The following SERGEF variants were observed in gnomAD, a reference collection of about 807,000 sequenced individuals.
SERGEF encodes secretion-regulating guanine nucleotide exchange factor.
In SERGEF, 51 loss-of-function variants were observed where a neutral mutation model predicts 50.0. The observed-to-expected ratio is 1.02, with a 90% CI of 0.81 to 1.29. The LOEUF is 1.29. Ranked by LOEUF, SERGEF falls within the 50% of genes most tolerant of loss-of-function variation. SERGEF has a pLI of 0.00. For missense variants in SERGEF, 521 were observed against 557.0 expected, an observed-to-expected ratio of 0.94 and a Z score of 0.65; for synonymous variants, 205 against 212.4, an observed-to-expected ratio of 0.97 and a Z score of 0.30.
At chr11:17,805,405 G>A (rs917784312) in intron 10 of SERGEF, among the ~76,000 whole-genome samples, 3 of 152,246 alleles carry the variant, frequency 2.0e-5, no homozygotes, top group African/African-American at 4.8e-5. Context: ...CTATCTGGCT[G>A]TGCTGGGCGT....
At chr11:17,862,716 G>A (rs1565188602) in intron 10 of SERGEF, among the ~76,000 whole-genome samples, 1 of 152,184 alleles carries the variant, frequency 6.6e-6, no homozygotes, top group Admixed American at 6.5e-5. Flanking sequence ...AGGCAATACT[G>A]TGAGTCTGAG....
intron 9 of SERGEF, among the ~76,000 whole-genome samples, chr11:17,897,514 T>C (rs1011190282): frequency 2.6e-5 from 4 of 152,216 alleles, no homozygotes; most frequent in Admixed American, 1.3e-4. Flanking sequence ...AAACAAAGCA[T>C]AGTACAACCA....
intron 4 of SERGEF, among the ~76,000 whole-genome samples, chr11:18,003,741 T>C (rs975567949): frequency 6.6e-6 from 1 of 152,088 alleles, no homozygotes; most frequent in Non-Finnish European, 1.5e-5. Context: ...TTTATACTGA[T>C]GACATGCTGA....
At chr11:18,010,856 A>T (rs1020180524) in intron 1 of SERGEF, among the ~76,000 whole-genome samples, 1 of 152,180 alleles carries the variant, frequency 6.6e-6, no homozygotes, top group Non-Finnish European at 1.5e-5. Context: ...CATGAAGGGG[A>T]ATATAGAGCA....
Position 18,000,504 on chromosome 11 carries a change from A to G in SERGEF, c.501T>C (p.Ala167=). 2 of 1,577,214 alleles carry G rather than the reference A, an allele frequency of 1.3e-6. No homozygotes were observed. The highest frequency in any genetic ancestry group is 1.2e-5 in the South Asian group (1 of 84,232). ...TAAAGATAAGATGATCACCTGTAGC[A>G]GCTACTGCATGCCTCAGTCCAGCAG... ...CIAAGLRHAV[A]ATASGIVFQW... Residue 167 remains alanine, a synonymous_variant, in exon 5 of 11, where the codon GCT becomes GCC. Coordinates refer to ENST00000265965, the MANE Select transcript of SERGEF (RefSeq NM_012139.4).
At chr11:17,961,480 G>A (rs1336158173) in intron 8 of SERGEF, among the ~76,000 whole-genome samples, 1 of 152,134 alleles carries the variant, frequency 6.6e-6, no homozygotes, top group East Asian at 1.9e-4. Flanking sequence ...TTATCTCTAA[G>A]ACTACAGAAA....
At chr11:17,873,635 A>G (rs760271453) in intron 10 of SERGEF, among the ~76,000 whole-genome samples, 10 of 151,884 alleles carry the variant, frequency 6.6e-5, no homozygotes, top group Non-Finnish European at 1.2e-4. Context: ...TTATAGCTCC[A>G]ATTTAGTAAA....
chr11:18,002,717 T>A (rs1257470870), intron 4 of SERGEF, among the ~76,000 whole-genome samples: 1 of 152,232 alleles, frequency 6.6e-6, no homozygotes, highest in Non-Finnish European at 1.5e-5. Flanking sequence ...TATGTGCCTA[T>A]CATGTCCTAC....
Position 17,959,646 on chromosome 11 carries a change from A to T in SERGEF, c.845-10T>A. 6.2e-7 allele frequency: 1 copy of T among 1,606,778 alleles called. No individual in the cohort carries two copies. Among genetic ancestry groups the T allele is most frequent in the Non-Finnish European group, 8.5e-7 (1 of 1,176,742 alleles). ...AACATCTTGCCAGTTTCTAAAAACA[A>T]ATATTATTTGAATTAAGACTACATT... On this transcript the variant is annotated splice_polypyrimidine_tract_variant and intron_variant, in intron 8 of 10. Transcript: ENST00000265965.
chr11:17,920,952 G>A (rs1852144496), intron 9 of SERGEF, among the ~76,000 whole-genome samples: 1 of 152,122 alleles, frequency 6.6e-6, no homozygotes, highest in South Asian at 2.1e-4. Context: ...TATCTTCAGG[G>A]GAATGTATTT....
intron 9 of SERGEF, among the ~76,000 whole-genome samples, chr11:17,957,628 A>C (rs1277245567): frequency 6.6e-6 from 1 of 152,158 alleles, no homozygotes; most frequent in Non-Finnish European, 1.5e-5. Flanking sequence ...AACACAATCT[A>C]AAGAAATATA....
chr11:17,907,679 C>T (rs1851875061), intron 9 of SERGEF, among the ~76,000 whole-genome samples: 1 of 152,132 alleles, frequency 6.6e-6, no homozygotes, highest in South Asian at 2.1e-4. Context: ...AAAGAAATAT[C>T]AAATTGTCAC....
chr11:17,942,062 C>G (rs1039282654), intron 9 of SERGEF, among the ~76,000 whole-genome samples: 3 of 152,102 alleles, frequency 2.0e-5, no homozygotes, highest in Non-Finnish European at 4.4e-5. Context: ...CTTCATTCTT[C>G]TTTTCCAAGA....
At chr11:17,869,792 T>C (rs888189989) in intron 10 of SERGEF, among the ~76,000 whole-genome samples, 1 of 152,206 alleles carries the variant, frequency 6.6e-6, no homozygotes, top group Non-Finnish European at 1.5e-5. Flanking sequence ...AATAATGGCC[T>C]CCTAAAGATG....
rs1271435861 is a variant in SERGEF, at chr11:18,012,980, C to A, written c.31G>T (p.Ala11Ser). The change falls in exon 1 of 11, where the codon GCC becomes TCC. Residue 11 changes from alanine (A) to serine (S), a missense_variant. Transcript: ENST00000265965. Reference sequence around the variant, plus strand: ...GCGAAGAGCGCGGCCGCCGCGGGGGCGGCCTCCGAGGCGCTGGGCTCGCGC... The same window carrying A: ...GCGAAGAGCGCGGCCGCCGCGGGGGAGGCCTCCGAGGCGCTGGGCTCGCGC... MEREPSASEA[A>S]PAAAALFAWG... 1.4e-6 allele frequency: 2 copies of A among 1,468,188 alleles called. No homozygotes were observed. The highest frequency in any genetic ancestry group is 5.8e-5 in the East Asian group (2 of 34,686). The allele number at this position is 1,468,188 out of a possible 1,614,324, so 90.9% of individuals were successfully genotyped here. A position where few individuals can be genotyped will look rare whatever the true frequency, so the allele number is the denominator to read the frequency against.
At chr11:17,809,958 T>G (rs1267628829) in intron 10 of SERGEF, among the ~76,000 whole-genome samples, 1 of 152,134 alleles carries the variant, frequency 6.6e-6, no homozygotes. Flanking sequence ...GGAAGATTTA[T>G]TCTCCCACAC....
intron 9 of SERGEF, among the ~76,000 whole-genome samples, chr11:17,904,419 C>A (rs1156631436): frequency 6.6e-6 from 1 of 152,252 alleles, no homozygotes; most frequent in Non-Finnish European, 1.5e-5. Context: ...CTGAGCCCCG[C>A]TGGGGCATTC....
chr11:17,974,108 A>T (rs1418379864), intron 8 of SERGEF, among the ~76,000 whole-genome samples: 2 of 152,132 alleles, frequency 1.3e-5, no homozygotes, highest in Non-Finnish European at 2.9e-5. Flanking sequence ...ATGGAAAAGG[A>T]GGGGTTGCCA....
chr11:17,926,258 T>C (rs1852246215), intron 9 of SERGEF, among the ~76,000 whole-genome samples: 1 of 151,994 alleles, frequency 6.6e-6, no homozygotes, highest in Non-Finnish European at 1.5e-5. Flanking sequence ...CCCTGAGACA[T>C]GTTAGTACAA....
Sources: allele counts gnomAD v4.1 joint callset (sites outside exome capture counted in the v4.1 genomes callset), GRCh38; gene constraint gnomAD v4.1.1; transcripts MANE v1.5; gene names NCBI Gene and HGNC (gene_info 2026-07-23, HGNC 2026-07-21).